The following SLC8A1 variants were observed in gnomAD, a reference collection of about 807,000 sequenced individuals.
SLC8A1 encodes the protein solute carrier family 8 member A1, also known as sodium/calcium exchanger 1.
In SLC8A1, 18 loss-of-function variants were observed where a neutral mutation model predicts 68.3. The observed-to-expected ratio is 0.26, with a 90% CI of 0.18 to 0.39. SLC8A1 has a LOEUF of 0.39. SLC8A1 is among the 10% of genes least tolerant of loss of function. The pLI, the probability that SLC8A1 is intolerant of heterozygous loss-of-function variation, is 1.00. For synonymous variants in SLC8A1, 475 were observed against 415.5 expected (o/e 1.14, Z -1.74); for missense variants, 985 against 1,156.7 (o/e 0.85, Z 2.15).
chr2:40,156,592 T>C (rs573032577), intron 6 of SLC8A1, among the ~76,000 whole-genome samples: 1 of 152,026 alleles, frequency 6.6e-6, no homozygotes, highest in Admixed American at 6.6e-5. Context: ...AACAAATTCT[T>C]CCCTTTGTTC....
intron 2 of SLC8A1, among the ~76,000 whole-genome samples, chr2:40,368,556 C>T (rs928092619): frequency 1.3e-5 from 2 of 151,880 alleles, no homozygotes; most frequent in Non-Finnish European, 2.9e-5. Context: ...AATTATCTTC[C>T]TCTTATTAAA....
intron 2 of SLC8A1, among the ~76,000 whole-genome samples, chr2:40,321,869 T>C (rs1444698176): frequency 6.6e-6 from 1 of 152,104 alleles, no homozygotes; most frequent in African/African-American, 2.4e-5. Flanking sequence ...TCACCTGAGA[T>C]ACTAGTATGT....
chr2:40,163,419 C>G (rs745927704), intron 5 of SLC8A1, among the ~76,000 whole-genome samples: 1 of 152,194 alleles, frequency 6.6e-6, no homozygotes, highest in Non-Finnish European at 1.5e-5. Context: ...AACCCATAGA[C>G]TCTCTGCTAC....
exon 2 of SLC8A1, chr2:40,429,552 G>A (rs368677402): frequency 3.1e-6 from 5 of 1,613,512 alleles, no homozygotes; most frequent in African/African-American, 1.3e-5. Context: ...CAACACAGAT[G>A]GGAAAGAAGA....
chr2:40,442,407 A>G (rs1036538825), intron 1 of SLC8A1, among the ~76,000 whole-genome samples: 3 of 151,014 alleles, frequency 2.0e-5, no homozygotes, highest in Non-Finnish European at 4.4e-5. Flanking sequence ...CAAAAAAAAA[A>G]AAAAAGAAAA....
chr2:40,414,611 C>G (rs928815927), intron 2 of SLC8A1, among the ~76,000 whole-genome samples: 2 of 152,002 alleles, frequency 1.3e-5, no homozygotes, highest in African/African-American at 4.8e-5. Context: ...ATATTAAATT[C>G]TTTAATTAAG....
rs569748345 is a variant in SLC8A1 at position 40,332,422 on chromosome 2, G to C, written c.1808+96051C>G. 7.5e-4 allele frequency among the ~76,000 whole-genome samples: 113 copies of C among 150,172 alleles called. 2 individuals are homozygous for C. The highest frequency in any genetic ancestry group is 2.6e-3 in the African/African-American group (108 of 41,126). Reference sequence around the variant, plus strand: ...TATCCTCTTTCTGCAACATGTGTGTGGGGGGAGGACGGGGGCGGGGGGCGG... The same window carrying C: ...TATCCTCTTTCTGCAACATGTGTGTCGGGGGAGGACGGGGGCGGGGGGCGG... On this transcript the variant is annotated intron_variant, in intron 2 of 7. Coordinates refer to ENST00000406785, the Ensembl canonical transcript of SLC8A1.
At chr2:40,264,255 C>A (rs2065072467) in intron 2 of SLC8A1, among the ~76,000 whole-genome samples, 1 of 151,790 alleles carries the variant, frequency 6.6e-6, no homozygotes, top group Non-Finnish European at 1.5e-5. Flanking sequence ...GTTGGTGGGA[C>A]TGTAAACTAG....
chr2:40,312,092 C>G (rs2073785341), intron 2 of SLC8A1, among the ~76,000 whole-genome samples: 1 of 152,056 alleles, frequency 6.6e-6, no homozygotes, highest in South Asian at 2.1e-4. Flanking sequence ...TAGGATTTAC[C>G]CTCAAGCTTC....
chr2:40,347,974 A>G (rs1163312539), intron 2 of SLC8A1, among the ~76,000 whole-genome samples: 1 of 152,234 alleles, frequency 6.6e-6, no homozygotes, highest in African/African-American at 2.4e-5. Context: ...TTAGAATTTT[A>G]AAAGCATATT....
Position 40,461,555 on chromosome 2 carries a change from C to T in SLC8A1, c.-24-31251G>A, listed in dbSNP as rs934655531. ...TCCGCGCCCCTGCACAACCACCAGACATTTAAATTTACTGTGAGTGAAAGC... is the reference window on the plus strand; with the variant it reads ...TCCGCGCCCCTGCACAACCACCAGATATTTAAATTTACTGTGAGTGAAAGC... On this transcript the variant is annotated intron_variant, in intron 1 of 7. Coordinates refer to the SLC8A1 transcript ENST00000402441. Among the ~76,000 whole-genome samples the T allele has an allele frequency of 2.0e-5, 3 of 152,188 alleles. No homozygotes were observed. In the East Asian group the frequency reaches 5.8e-4, roughly 29 times the overall value.
chr2:40,421,381 C>A (rs1695464517), intron 2 of SLC8A1, among the ~76,000 whole-genome samples: 2 of 152,138 alleles, frequency 1.3e-5, no homozygotes. Flanking sequence ...CTCCTAAGCC[C>A]ATCTTTATCT....
At chr2:40,287,409 G>T (rs1281102852) in intron 2 of SLC8A1, among the ~76,000 whole-genome samples, 2 of 152,036 alleles carry the variant, frequency 1.3e-5, no homozygotes, top group Non-Finnish European at 2.9e-5. Context: ...GGCACTCACA[G>T]AAGCTGACAT....
At chr2:40,365,702 C>A (rs1675946591) in intron 2 of SLC8A1, among the ~76,000 whole-genome samples, 1 of 151,992 alleles carries the variant, frequency 6.6e-6, no homozygotes, top group African/African-American at 2.4e-5. Context: ...ACTTGTCAGT[C>A]TAAAACTTGC....
intron 1 of SLC8A1, among the ~76,000 whole-genome samples, chr2:40,447,023 G>T (rs1576554612): frequency 6.6e-6 from 1 of 152,104 alleles, no homozygotes; most frequent in Admixed American, 6.6e-5. Context: ...ATCCAACCAG[G>T]AAATTATTAA....
intron 2 of SLC8A1, among the ~76,000 whole-genome samples, chr2:40,360,193 C>T (rs953285848): frequency 1.3e-5 from 2 of 152,106 alleles, no homozygotes; most frequent in African/African-American, 4.8e-5. Flanking sequence ...TTTGCCCCTC[C>T]ACTCTATTCC....
At chr2:40,454,604 A>G (rs1338558181), upstream of SLC8A1, among the ~76,000 whole-genome samples, 1 of 152,036 alleles carries the variant, frequency 6.6e-6, no homozygotes, top group African/African-American at 2.4e-5. Flanking sequence ...GAAAAAAACA[A>G]TATTAAATGG....
intron 2 of SLC8A1, among the ~76,000 whole-genome samples, chr2:40,320,225 T>C (rs539358391): frequency 6.6e-6 from 1 of 152,286 alleles, no homozygotes; most frequent in East Asian, 1.9e-4. Flanking sequence ...TGTTTTTCCC[T>C]TTCAGAAAAA....
chr2:40,104,968 T>C (rs2034106501), exon 8 of SLC8A1: 1 of 152,154 alleles, frequency 6.6e-6, no homozygotes, highest in South Asian at 2.1e-4. Flanking sequence ...GTTTGGTGAG[T>C]ACAATGTTAA....
Sources: allele counts gnomAD v4.1 joint callset (sites outside exome capture counted in the v4.1 genomes callset), GRCh38; gene constraint gnomAD v4.1.1; transcripts MANE v1.5; gene names NCBI Gene and HGNC (gene_info 2026-07-23, HGNC 2026-07-21).